CHRNA7: variants seen among roughly 807,000 people sequenced by gnomAD.
CHRNA7 encodes the protein cholinergic receptor nicotinic alpha 7 subunit.
A neutral mutation model predicts 48.0 loss-of-function variants in CHRNA7; 17 were observed. That is an observed-to-expected ratio of 0.35 (90% CI 0.24 to 0.53). The LOEUF (loss-of-function observed/expected upper bound fraction) is 0.53. CHRNA7 is among the 20% of genes least tolerant of loss of function. The probability of loss-of-function intolerance (pLI) is 0.92; values close to 1 mark genes in which losing one functional copy is unlikely to be tolerated. For synonymous variants in CHRNA7, 75 were observed against 242.3 expected (o/e 0.31, Z 6.41); for missense variants, 155 against 577.7 (o/e 0.27, Z 7.50).
intron 2 of CHRNA7, among the ~76,000 whole-genome samples, chr15:32,089,241 G>A (rs146746875): frequency 1.3e-5 from 2 of 151,814 alleles, no homozygotes; most frequent in South Asian, 2.1e-4. Flanking sequence ...CTCTGCTCTC[G>A]CTTTTGGTGA....
chr15:32,086,677 C>T (rs1195908916), intron 2 of CHRNA7, among the ~76,000 whole-genome samples: 1 of 152,162 alleles, frequency 6.6e-6, no homozygotes, highest in East Asian at 1.9e-4. Flanking sequence ...TCTTTTTAGG[C>T]TCCTCTTCAT....
chr15:32,088,049 A>G (rs1240790178), intron 2 of CHRNA7, among the ~76,000 whole-genome samples: 2 of 152,216 alleles, frequency 1.3e-5, no homozygotes, highest in East Asian at 3.8e-4. Flanking sequence ...CCATTACAAT[A>G]TGATACAGAA....
At chr15:32,115,480 C>T (rs1455535526) in intron 4 of CHRNA7, among the ~76,000 whole-genome samples, 1 of 152,070 alleles carries the variant, frequency 6.6e-6, no homozygotes, top group Non-Finnish European at 1.5e-5. Context: ...CAGGTATGTG[C>T]TGACCAGCCT....
At chr15:32,136,976 G>T (rs1229676520) in intron 4 of CHRNA7, among the ~76,000 whole-genome samples, 1 of 137,330 alleles carries the variant, frequency 7.3e-6, no homozygotes, top group Non-Finnish European at 1.5e-5. Context: ...AGCTTGCAGT[G>T]AGCCGAGATC....
At chr15:32,068,760 A>G (rs964041402) in intron 2 of CHRNA7, among the ~76,000 whole-genome samples, 1 of 152,174 alleles carries the variant, frequency 6.6e-6, no homozygotes, top group Non-Finnish European at 1.5e-5. Context: ...ACTACAGACT[A>G]AAAAGAGCAT....
Position 32,137,890 on chromosome 15 carries a change from C to T in CHRNA7, c.351-16017C>T, listed in dbSNP as rs371967740. Among the ~76,000 whole-genome samples the T allele has an allele frequency of 2.6e-5, 4 of 152,236 alleles. No homozygotes were observed. The East Asian group carries it at 5.8e-4, about 22-fold the overall frequency. ...AACAATTGTCCTCCTCAGTATTTAC[C>T]CAAAGGAGCTGAAAACCTGTGTTCA... On this transcript the variant is annotated intron_variant, in intron 4 of 9. Coordinates refer to ENST00000306901, the MANE Select transcript of CHRNA7 (RefSeq NM_000746.6).
rs933176606 is a variant in CHRNA7, at chr15:32,038,387, TATAATC to T, written c.195+7354_195+7359del. On this transcript the variant is annotated intron_variant, in intron 2 of 9. Coordinates refer to ENST00000306901, the MANE Select transcript of CHRNA7 (RefSeq NM_000746.6). ...TGTCAAAATTGTTTTCATCTATTGA[TATAATC>T]ATATGATTTTTCTTTTGTAGCCTGT... 2.0e-3 allele frequency among the ~76,000 whole-genome samples: 281 copies of T among 141,976 alleles called. 1 individual carries two copies. Among genetic ancestry groups the T allele is most frequent in the African/African-American group, 7.2e-3 (260 of 35,996 alleles). The allele number at this position is 141,976 out of a possible 152,430, so 93.1% of individuals were successfully genotyped here. A position where few individuals can be genotyped will look rare whatever the true frequency, so the allele number is the denominator to read the frequency against.
At chr15:32,040,086 G>A (rs924604748) in intron 2 of CHRNA7, among the ~76,000 whole-genome samples, 8 of 151,992 alleles carry the variant, frequency 5.3e-5, no homozygotes, top group Admixed American at 4.6e-4. Context: ...TTGGATTAGT[G>A]TTAGCATGGT....
intron 4 of CHRNA7, among the ~76,000 whole-genome samples, chr15:32,147,049 C>T (rs979019047): frequency 2.0e-5 from 3 of 152,198 alleles, no homozygotes; most frequent in Non-Finnish European, 2.9e-5. Context: ...AACTGGATAT[C>T]TGCTGTGTTA....
At chr15:32,133,127 G>A (rs1295677982) in intron 4 of CHRNA7, among the ~76,000 whole-genome samples, 1 of 152,180 alleles carries the variant, frequency 6.6e-6, no homozygotes, top group Non-Finnish European at 1.5e-5. Flanking sequence ...TTTCCTCATA[G>A]GGATGAATTT....
At chr15:32,062,484 G>A (rs1249116004) in intron 2 of CHRNA7, among the ~76,000 whole-genome samples, 1 of 152,046 alleles carries the variant, frequency 6.6e-6, no homozygotes, top group Non-Finnish European at 1.5e-5. Flanking sequence ...CTCTCCAGTA[G>A]ACCTGTAATT....
At chr15:32,119,451 C>T (rs1392859790) in intron 4 of CHRNA7, among the ~76,000 whole-genome samples, 1 of 152,142 alleles carries the variant, frequency 6.6e-6, no homozygotes, top group Non-Finnish European at 1.5e-5. Context: ...GGAGCAAATT[C>T]AGCTGCTGTG....
At chr15:32,052,060 G>T (rs140507389) in intron 2 of CHRNA7, among the ~76,000 whole-genome samples, 1 of 152,232 alleles carries the variant, frequency 6.6e-6, no homozygotes, top group Non-Finnish European at 1.5e-5. Context: ...AGCCTCTTAA[G>T]CATTATTAAA....
At chr15:32,061,527 G>A (rs960422538) in intron 2 of CHRNA7, among the ~76,000 whole-genome samples, 2 of 152,168 alleles carry the variant, frequency 1.3e-5, no homozygotes, top group Admixed American at 6.5e-5. Context: ...ATGAGATAAG[G>A]CCAGGTACGG....
At chr15:32,035,820 A>G (rs964701504) in intron 2 of CHRNA7, among the ~76,000 whole-genome samples, 2 of 152,238 alleles carry the variant, frequency 1.3e-5, no homozygotes, top group Admixed American at 6.5e-5. Flanking sequence ...GCTTCACAGC[A>G]AAATGAAGAA....
chr15:32,138,268 G>A (rs949497804), intron 4 of CHRNA7, among the ~76,000 whole-genome samples: 4 of 152,010 alleles, frequency 2.6e-5, no homozygotes, highest in Non-Finnish European at 5.9e-5. Flanking sequence ...CTTAAAAATA[G>A]AATATTGTGA....
At chr15:32,069,727 G>A (rs192302307) in intron 2 of CHRNA7, among the ~76,000 whole-genome samples, 4 of 152,110 alleles carry the variant, frequency 2.6e-5, no homozygotes, top group African/African-American at 4.8e-5. Context: ...ATTAATTATG[G>A]CTCATTTTTT....
intron 9 of CHRNA7, among the ~76,000 whole-genome samples, chr15:32,164,907 A>G (rs2052007175): frequency 9.9e-5 from 1 of 10,102 alleles, no homozygotes; most frequent in African/African-American, 4.3e-4. Flanking sequence ...GCAAAACTCC[A>G]TCTCCTAAAA....
At chr15:32,049,538 GTC>G (rs1173654746) in intron 2 of CHRNA7, among the ~76,000 whole-genome samples, 1 of 152,158 alleles carries the variant, frequency 6.6e-6, no homozygotes, top group Non-Finnish European at 1.5e-5. Context: ...GGCTATGTGT[GTC>G]TCTGCACGTG....
Sources: gnomAD v4.1 joint callset for allele counts (sites outside exome capture counted in the v4.1 genomes callset) on GRCh38, gnomAD v4.1.1 for gene constraint, MANE v1.5 for transcripts, NCBI Gene and HGNC (gene_info 2026-07-23, HGNC 2026-07-21) for gene names.